EHMT1: variants seen among roughly 807,000 people sequenced by gnomAD.
EHMT1 encodes euchromatic histone lysine methyltransferase 1.
A neutral mutation model predicts 147.2 loss-of-function variants in EHMT1; 15 were observed. That is an observed-to-expected ratio of 0.10 (90% CI 0.07 to 0.16). EHMT1 has a LOEUF of 0.16. Ranked by LOEUF, EHMT1 falls within the 10% of genes least tolerant of loss-of-function variation. The probability of loss-of-function intolerance (pLI) is 1.00; values close to 1 mark genes in which losing one functional copy is unlikely to be tolerated. For synonymous variants in EHMT1, 795 were observed against 709.6 expected (o/e 1.12, Z -1.91); for missense variants, 1,587 against 1,772.4 (o/e 0.90, Z 1.88).
At chr9:137,737,880 A>G (rs1947682487) in intron 4 of EHMT1, among the ~76,000 whole-genome samples, 1 of 152,238 alleles carries the variant, frequency 6.6e-6, no homozygotes, top group Non-Finnish European at 1.5e-5. Context: ...ACTCAACAAT[A>G]AAAACAACTT....
intron 1 of EHMT1, among the ~76,000 whole-genome samples, chr9:137,623,988 T>TTTTC (rs1204797357): frequency 2.7e-5 from 4 of 148,878 alleles, no homozygotes; most frequent in Middle Eastern, 6.8e-3. Context: ...CCCGGTTGAT[T>TTTTC]TTTCTTTCTT....
intron 4 of EHMT1, chr9:137,743,098 A>G (rs372999137): frequency 2.6e-4 from 112 of 424,248 alleles, no homozygotes; most frequent in African/African-American, 2.0e-3. Flanking sequence ...TCCTGCCTCC[A>G]AGGTGGGGTG....
At chr9:137,811,738 G>A (rs1244802723) in intron 19 of EHMT1, 123 bp downstream of exon 19, 18 of 1,317,108 alleles carry the variant, frequency 1.4e-5, no homozygotes, top group Non-Finnish European at 1.6e-5. Context: ...CTGTTCCTTC[G>A]TGTGGAAGTC....
At chr9:137,742,900 C>T in intron 4 of EHMT1, 1 of 238,212 alleles carries the variant, frequency 4.2e-6, no homozygotes, top group Non-Finnish European at 8.2e-6. Flanking sequence ...CTGGCCTGGC[C>T]CCTGTGCTGG....
intron 2 of EHMT1, among the ~76,000 whole-genome samples, chr9:137,714,388 T>C (rs1336443842): frequency 6.6e-6 from 1 of 152,152 alleles, no homozygotes; most frequent in Non-Finnish European, 1.5e-5. Context: ...GATGCTTGTG[T>C]GGTTTTGTCC....
Position 137,731,471 on chromosome 9 carries a change from C to G in EHMT1, c.823+2942C>G, listed in dbSNP as rs547046023. ...CAACATGGCTGGAAAGACAGGAGTG[C>G]AGATGGAGGAGTCCCCTGTTAACTG... On this transcript the variant is annotated intron_variant, in intron 4 of 26. Coordinates refer to ENST00000460843, the MANE Select transcript of EHMT1 (RefSeq NM_024757.5). The surrounding 1 kb of genome is among the most constrained non-coding windows in gnomAD (Gnocchi z 4.3). 6.6e-6 allele frequency among the ~76,000 whole-genome samples: 1 copy of G among 152,230 alleles called. No individual in the cohort carries two copies. The highest frequency in any genetic ancestry group is 2.1e-4 in the South Asian group (1 of 4,822).
intron 25 of EHMT1, among the ~76,000 whole-genome samples, chr9:137,829,271 C>T (rs1366229560): frequency 6.6e-6 from 1 of 152,224 alleles, no homozygotes. Context: ...TTCTCTGCCA[C>T]TTCCTTCAGA....
chr9:137,762,414 G>A (rs1383697986), intron 9 of EHMT1, among the ~76,000 whole-genome samples: 1 of 152,174 alleles, frequency 6.6e-6, no homozygotes, highest in African/African-American at 2.4e-5. Flanking sequence ...TGGGTCCTGA[G>A]AACCTGAGAA....
chr9:137,676,183 G>A (rs1381045112), intron 1 of EHMT1: 1 of 151,970 alleles, frequency 6.6e-6, no homozygotes, highest in African/African-American at 2.4e-5. Flanking sequence ...GCCTCCCAAA[G>A]TGCTGAGATT....
chr9:137,748,981 G>T, intron 6 of EHMT1, among the ~76,000 whole-genome samples: 1 of 152,178 alleles, frequency 6.6e-6, no homozygotes, highest in South Asian at 2.1e-4. Flanking sequence ...CAGCCACTCT[G>T]GGTGCTGGTG....
intron 1 of EHMT1, among the ~76,000 whole-genome samples, chr9:137,639,750 C>G (rs548096164): frequency 1.4e-4 from 22 of 152,244 alleles, no homozygotes; most frequent in Admixed American, 3.3e-4. Context: ...CTTGTAGATT[C>G]AGCAGTTGAA....
intron 1 of EHMT1, among the ~76,000 whole-genome samples, chr9:137,648,383 G>A (rs180750413): frequency 2.2e-4 from 33 of 151,976 alleles, no homozygotes; most frequent in Non-Finnish European, 4.1e-4. Flanking sequence ...GCTGGGTTGT[G>A]GTGGTTCACG....
intron 18 of EHMT1, among the ~76,000 whole-genome samples, chr9:137,803,887 T>C (rs1361429408): frequency 6.6e-6 from 1 of 151,212 alleles, no homozygotes; most frequent in African/African-American, 2.4e-5. Context: ...GATTGTACCA[T>C]CTCTAGTGTA....
intron 22 of EHMT1, chr9:137,814,857 G>C (rs1192539132): frequency 5.7e-5 from 26 of 453,826 alleles, no homozygotes; most frequent in Non-Finnish European, 1.0e-4. Context: ...TGAGTGTGAG[G>C]GGTGTGAAGA....
At chr9:137,818,455 CCT>C (rs1423283235) in intron 25 of EHMT1, among the ~76,000 whole-genome samples, 2 of 152,194 alleles carry the variant, frequency 1.3e-5, no homozygotes, top group Admixed American at 1.3e-4. Context: ...CTTGGCAACC[CCT>C]GAGACTGCAC....
chr9:137,740,419 C>G (rs1182038749), intron 4 of EHMT1, among the ~76,000 whole-genome samples: 2 of 152,084 alleles, frequency 1.3e-5, no homozygotes, highest in African/African-American at 4.8e-5. Flanking sequence ...TGCAAATCCT[C>G]CTTCCAAAGA....
chr9:137,624,234 C>T (rs1843116276), intron 1 of EHMT1, among the ~76,000 whole-genome samples: 1 of 151,576 alleles, frequency 6.6e-6, no homozygotes, highest in African/African-American at 2.4e-5. Context: ...AACTCCTGAC[C>T]TTGTGATCTG....
intron 1 of EHMT1, among the ~76,000 whole-genome samples, chr9:137,626,047 A>G (rs923408419): frequency 1.5e-5 from 2 of 132,984 alleles, no homozygotes; most frequent in African/African-American, 2.8e-5. Flanking sequence ...TTTTTTTTTT[A>G]GTAGAGTTGG....
At chr9:137,648,598 C>G in intron 1 of EHMT1, among the ~76,000 whole-genome samples, 1 of 152,050 alleles carries the variant, frequency 6.6e-6, no homozygotes, top group Non-Finnish European at 1.5e-5. Flanking sequence ...TTGCAGTGAA[C>G]TGTGATCACA....
Sources: allele counts gnomAD v4.1 joint callset (sites outside exome capture counted in the v4.1 genomes callset), GRCh38; gene constraint gnomAD v4.1.1; non-coding constraint Gnocchi (gnomAD v3.1); transcripts MANE v1.5; gene names NCBI Gene and HGNC (gene_info 2026-07-23, HGNC 2026-07-21).